The following EDA variants were observed in gnomAD, a reference collection of about 807,000 sequenced individuals.
EDA encodes ectodysplasin A.
Under a neutral mutation model 23.6 loss-of-function variants are expected in EDA, and 2 were observed. The observed-to-expected ratio is 0.08, with a 90% CI of 0.03 to 0.27. EDA has a LOEUF of 0.27. Among genes scored for constraint, EDA ranks in the 10% least tolerant of loss-of-function variants. The probability of loss-of-function intolerance (pLI) is 1.00; values close to 1 mark genes in which losing one functional copy is unlikely to be tolerated. For missense variants in EDA, 229 were observed against 324.2 expected (o/e 0.71, Z 2.26); for synonymous variants, 131 against 132.0 (o/e 0.99, Z 0.05).
intron 2 of EDA, among the ~76,000 whole-genome samples, chrX:69,963,863 A>G (rs2019139253): frequency 8.9e-6 from 1 of 111,816 alleles, no homozygotes; most frequent in Admixed American, 9.5e-5. Context: ...GATTTTTTAA[A>G]TTACAAAAAT....
At chrX:69,786,615 T>G (rs1276014522) in intron 1 of EDA, among the ~76,000 whole-genome samples, 3 of 109,904 alleles carry the variant, frequency 2.7e-5, no homozygotes, top group Non-Finnish European at 3.8e-5. Flanking sequence ...GTGAGATTCT[T>G]AATCCTGAGT....
chrX:69,686,804 AT>A (rs1163501000), intron 1 of EDA, among the ~76,000 whole-genome samples: 33 of 111,952 alleles, frequency 2.9e-4, no homozygotes, highest in African/African-American at 1.0e-3. Flanking sequence ...ATATAGTTAT[AT>A]TACATTTATC....
intron 1 of EDA, among the ~76,000 whole-genome samples, chrX:69,892,436 C>CT (rs1448398143): frequency 3.7e-5 from 4 of 109,202 alleles, no homozygotes; most frequent in Non-Finnish European, 5.7e-5. Context: ...TCTGCCATGG[C>CT]TTTTTTTTTA....
At chrX:69,741,529 T>A (rs1201194927) in intron 1 of EDA, among the ~76,000 whole-genome samples, 2 of 111,973 alleles carry the variant, frequency 1.8e-5, no homozygotes, top group Non-Finnish European at 3.8e-5. Context: ...TGATGGTTTC[T>A]TTTTCTGATC....
At chrX:69,722,396 C>T (rs773693319) in intron 1 of EDA, among the ~76,000 whole-genome samples, 4 of 109,548 alleles carry the variant, frequency 3.7e-5, no homozygotes, top group African/African-American at 6.6e-5. Context: ...TTAGTAGAGA[C>T]GGGGTTTCAC....
chrX:69,623,450 C>A (rs1932262863), intron 1 of EDA, among the ~76,000 whole-genome samples: 1 of 111,323 alleles, frequency 9.0e-6, no homozygotes, highest in Non-Finnish European at 1.9e-5. Flanking sequence ...AAGGGCTCTG[C>A]CCTCATTATT....
intron 1 of EDA, among the ~76,000 whole-genome samples, chrX:69,746,586 A>G (rs1308416744): frequency 4.5e-5 from 5 of 111,043 alleles, no homozygotes; most frequent in African/African-American, 1.6e-4. Flanking sequence ...GAAGGGTATA[A>G]ATTGAAGTTT....
In EDA at chrX:69,827,042, G is replaced by A. The variant is rs748292871; in HGVS notation, c.397-129985G>A. ...GAATATTGGCCCCCACTCTCTTCTG[G>A]CTTTTAGAGTTTCTGCCGAGAGATC... On this transcript the variant is annotated intron_variant, in intron 1 of 7. Transcript: ENST00000374552. 2.8e-4 allele frequency among the ~76,000 whole-genome samples: 31 copies of A among 112,026 alleles called. No individual in the cohort carries two copies. In the South Asian group the frequency reaches 0.012, roughly 42 times the overall value.
At position 70,036,494 on chromosome X, in the gene EDA, G is replaced by A. The variant is rs945675701; in HGVS notation, c.*885G>A. 8.9e-6 allele frequency: 1 copy of A among 112,630 alleles called. No homozygotes were observed. The highest frequency in any genetic ancestry group is 3.2e-5 in the African/African-American group (1 of 30,844). The allele number at this position is 112,630 out of a possible 1,213,427, so 9.3% of individuals were successfully genotyped here. Reference sequence around the variant, plus strand: ...ACAGGTGCCTAACCTGGGACCTGTGGTCATGTGAGTCTGGGATATTCTTTA... The same window carrying A: ...ACAGGTGCCTAACCTGGGACCTGTGATCATGTGAGTCTGGGATATTCTTTA... On this transcript the variant is annotated 3_prime_UTR_variant, in exon 8 of 8. Coordinates refer to ENST00000374552, the MANE Select transcript of EDA (RefSeq NM_001399.5).
At chrX:69,972,286 A>G (rs144971422) in intron 2 of EDA, among the ~76,000 whole-genome samples, 91 of 111,313 alleles carry the variant, frequency 8.2e-4, no homozygotes, top group African/African-American at 2.8e-3. Context: ...ACTCTTCACC[A>G]TTTATTGGCA....
chrX:70,038,450 A>G lies in EDA; in HGVS notation c.*2841A>G, dbSNP rs1396864295. The G allele has an allele frequency of 1.8e-5, 2 of 110,705 alleles. No individual in the cohort carries two copies. The highest frequency in any genetic ancestry group is 3.8e-5 in the Non-Finnish European group (2 of 53,007). The allele number at this position is 110,705 out of a possible 1,213,427, so 9.1% of individuals were successfully genotyped here. A position where few individuals can be genotyped will look rare whatever the true frequency, so the allele number is the denominator to read the frequency against. ...TTGGTGTGAATTTGCCAGAGGACCAATGCTTGCATGGAGAATGGGACGAGG... is the reference window on the plus strand; with the variant it reads ...TTGGTGTGAATTTGCCAGAGGACCAGTGCTTGCATGGAGAATGGGACGAGG... On this transcript the variant is annotated 3_prime_UTR_variant, in exon 8 of 8. Coordinates refer to ENST00000374552, the MANE Select transcript of EDA (RefSeq NM_001399.5).
intron 1 of EDA, among the ~76,000 whole-genome samples, chrX:69,951,177 TA>T (rs1207083975): frequency 3.6e-4 from 38 of 106,921 alleles, no homozygotes; most frequent in African/African-American, 1.2e-3. Context: ...TAAAGAAAAA[TA>T]AAAAAAAATA....
At chrX:69,748,267 A>G (rs1380431641) in intron 1 of EDA, among the ~76,000 whole-genome samples, 1 of 111,564 alleles carries the variant, frequency 9.0e-6, no homozygotes, top group Non-Finnish European at 1.9e-5. Flanking sequence ...GATGGAATCC[A>G]GAGAAACACC....
chrX:69,751,622 G>A (rs2013872158), intron 1 of EDA, among the ~76,000 whole-genome samples: 1 of 111,747 alleles, frequency 8.9e-6, no homozygotes, highest in Non-Finnish European at 1.9e-5. Flanking sequence ...TGGACAGTAT[G>A]GCCATTTTCA....
At chrX:69,853,086 C>G (rs921892224) in intron 1 of EDA, among the ~76,000 whole-genome samples, 1 of 111,424 alleles carries the variant, frequency 9.0e-6, no homozygotes, top group Non-Finnish European at 1.9e-5. Flanking sequence ...AAATAGCAAA[C>G]TACAGGAGCA....
chrX:69,843,969 C>T lies in EDA; in HGVS notation c.397-113058C>T, dbSNP rs1450254648. On this transcript the variant is annotated intron_variant, in intron 1 of 7. Coordinates refer to ENST00000374552, the MANE Select transcript of EDA (RefSeq NM_001399.5). ...CCCAGGAGGCAGAGCTTGCAGTGAG[C>T]CGAGATCGCGCCACTGCACTCCAGC... 4.9e-5 allele frequency among the ~76,000 whole-genome samples: 5 copies of T among 101,755 alleles called. No individual in the cohort carries two copies. The Admixed American group carries it at 5.5e-4, about 11-fold the overall frequency. 88.4% of individuals were successfully genotyped at this position (101,755 alleles called of 115,157 possible).
At chrX:69,895,873 G>T (rs145479284) in intron 1 of EDA, among the ~76,000 whole-genome samples, 1,480 of 112,293 alleles carry the variant, frequency 0.013, 15 homozygotes, top group African/African-American at 0.043. Flanking sequence ...AACTGTACAA[G>T]TCTATTCTCT....
At chrX:69,940,475 T>A (rs1274035630) in intron 1 of EDA, among the ~76,000 whole-genome samples, 1 of 18,400 alleles carries the variant, frequency 5.4e-5, no homozygotes, top group African/African-American at 1.6e-4. Flanking sequence ...AGGTCTTCTC[T>A]CTTTTTGTAG....
chrX:69,747,335 C>T (rs183026370), intron 1 of EDA, among the ~76,000 whole-genome samples: 3 of 111,921 alleles, frequency 2.7e-5, no homozygotes, highest in African/African-American at 6.5e-5. Context: ...AAAGCAAATT[C>T]GAAAGCCCTG....
Sources: gnomAD v4.1 joint callset for allele counts (sites outside exome capture counted in the v4.1 genomes callset) on GRCh38, gnomAD v4.1.1 for gene constraint, MANE v1.5 for transcripts, NCBI Gene and HGNC (gene_info 2026-07-23, HGNC 2026-07-21) for gene names.